The following SEPSECS variants were observed in gnomAD, a reference collection of about 807,000 sequenced individuals.
SEPSECS encodes O-phosphoseryl-tRNA(Sec) selenium transferase.
In SEPSECS, 42 loss-of-function variants were observed where a neutral mutation model predicts 52.1. That is an observed-to-expected ratio of 0.81 (90% CI 0.63 to 1.04). The LOEUF is 1.04. Ranked by LOEUF, SEPSECS falls within the 50% of genes least tolerant of loss-of-function variation. The pLI is 0.00. For synonymous variants in SEPSECS, 216 were observed against 211.4 expected (o/e 1.02, Z -0.19); for missense variants, 590 against 610.6 (o/e 0.97, Z 0.36).
In SEPSECS at chr4:25,159,110, TA is replaced by T. The variant is rs34423002; in HGVS notation, c.115-4del. 0.046 allele frequency: 66,409 copies of T among 1,435,624 alleles called. 188 individuals are homozygous for T. The highest frequency in any genetic ancestry group is 0.098 in the African/African-American group (6,532 of 66,490). The allele number at this position is 1,435,624 out of a possible 1,614,324, so 88.9% of individuals were successfully genotyped here. On this transcript the variant is annotated splice_region_variant and splice_polypyrimidine_tract_variant and intron_variant, in intron 1 of 10. Transcript: ENST00000382103. ...CAGCCATTCTCTGGACACTTGCCCT[TA>T]AAAAAAAAAAAAAACTTATGATTAT...
At chr4:25,146,311 A>T (rs1711959997) in intron 6 of SEPSECS, among the ~76,000 whole-genome samples, 2 of 152,248 alleles carry the variant, frequency 1.3e-5, no homozygotes, top group African/African-American at 2.4e-5. Flanking sequence ...AGGTGGAAGC[A>T]GCCGAAGCAG....
chr4:25,125,107 C>G (rs898752002), intron 10 of SEPSECS, among the ~76,000 whole-genome samples: 11 of 152,070 alleles, frequency 7.2e-5, no homozygotes, highest in Non-Finnish European at 1.5e-4. Context: ...CCTCCGGTAG[C>G]TACAGAAAAA....
intron 8 of SEPSECS, among the ~76,000 whole-genome samples, chr4:25,129,910 T>A (rs933322815): frequency 2.5e-4 from 38 of 152,208 alleles, no homozygotes; most frequent in African/African-American, 7.5e-4. Context: ...CAGTCACATA[T>A]TTTCATTTAG....
chr4:25,152,082 A>G lies in SEPSECS; in HGVS notation c.702-20T>C. ...TCTAATCTATAAACATAAATATTCA[A>G]TAGAAAGACATACTCACACTGTGTT... On this transcript the variant is annotated intron_variant, in intron 5 of 10. Coordinates refer to ENST00000382103, the MANE Select transcript of SEPSECS (RefSeq NM_016955.4). 1 of 1,279,138 alleles carries G rather than the reference A, an allele frequency of 7.8e-7. No homozygotes were observed. The highest frequency in any genetic ancestry group is 1.1e-6 in the Non-Finnish European group (1 of 874,658). The allele number at this position is 1,279,138 out of a possible 1,614,324, so 79.2% of individuals were successfully genotyped here. A position where few individuals can be genotyped will look rare whatever the true frequency, so the allele number is the denominator to read the frequency against.
intron 6 of SEPSECS, among the ~76,000 whole-genome samples, chr4:25,150,575 C>G (rs908176260): frequency 6.6e-6 from 1 of 150,914 alleles, no homozygotes; most frequent in Non-Finnish European, 1.5e-5. Flanking sequence ...TATGTCACTA[C>G]GTAAAAAAAA....
At chr4:25,154,586 C>T (rs1410191263) in intron 5 of SEPSECS, among the ~76,000 whole-genome samples, 1 of 152,072 alleles carries the variant, frequency 6.6e-6, no homozygotes, top group African/African-American at 2.4e-5. Context: ...CTTCCAATTA[C>T]AGAAATTTGA....
At chr4:25,137,261 C>G (rs987917145) in intron 8 of SEPSECS, among the ~76,000 whole-genome samples, 1 of 152,172 alleles carries the variant, frequency 6.6e-6, no homozygotes, top group African/African-American at 2.4e-5. Context: ...AAGAAACTAT[C>G]ATCAGAGTGA....
chr4:25,159,544 G>A, intron 1 of SEPSECS: 1 of 423,872 alleles, frequency 2.4e-6, no homozygotes, highest in Admixed American at 2.6e-5. Context: ...GGCCAAGAAT[G>A]GCCGATCACT....
Position 25,155,147 on chromosome 4 carries a change from A to C in SEPSECS, c.552T>G (p.Phe184Leu), listed in dbSNP as rs781462134. The change falls in exon 5 of 11, where the codon TTT becomes TTG. Residue 184 changes from phenylalanine to leucine, a missense_variant. Physicochemically the swap from Phe to Leu is conservative, Grantham distance 22. Coordinates refer to ENST00000382103, the MANE Select transcript of SEPSECS (RefSeq NM_016955.4). Reference sequence around the variant, plus strand: ...AAACATTTTCTATCACCACAGGCTCAAAACCTAACCAAACCAACCAGAAAA... The same window carrying C: ...AAACATTTTCTATCACCACAGGCTCCAAACCTAACCAAACCAACCAGAAAA... ...SCFKSMITAG[F>L]EPVVIENVLE... 6.2e-7 allele frequency: 1 copy of C among 1,614,112 alleles called. No individual in the cohort carries two copies. The highest frequency in any genetic ancestry group is 8.5e-7 in the Non-Finnish European group (1 of 1,179,986).
chr4:25,138,352 G>T (rs1415685617), intron 8 of SEPSECS, among the ~76,000 whole-genome samples: 1 of 151,770 alleles, frequency 6.6e-6, no homozygotes, highest in Non-Finnish European at 1.5e-5. Flanking sequence ...ATAAACTTAG[G>T]CTCATGCCTG....
chr4:25,146,243 G>T (rs1560331030), intron 6 of SEPSECS, among the ~76,000 whole-genome samples: 1 of 152,120 alleles, frequency 6.6e-6, no homozygotes, highest in Non-Finnish European at 1.5e-5. Context: ...CTTGCTATCT[G>T]AGGGAGAACA....
At chr4:25,134,216 T>C (rs930975092) in intron 8 of SEPSECS, among the ~76,000 whole-genome samples, 1 of 145,880 alleles carries the variant, frequency 6.9e-6, no homozygotes, top group African/African-American at 2.6e-5. Context: ...CAGAGGTACA[T>C]GCCTATAGTC....
At chr4:25,159,644 C>A (rs1712926898) in intron 1 of SEPSECS, 2 of 350,792 alleles carry the variant, frequency 5.7e-6, no homozygotes, top group Non-Finnish European at 1.1e-5. Context: ...TGGTGGCGGG[C>A]GCCTGTAGTC....
At position 25,122,546 on chromosome 4, in the gene SEPSECS, G is replaced by A. The variant is rs1728170815; in HGVS notation, c.*1385C>T. The A allele has an allele frequency of 6.6e-6, 1 of 152,180 alleles. No homozygotes were observed. Among genetic ancestry groups the A allele is most frequent in the Non-Finnish European group, 1.5e-5 (1 of 68,004 alleles). The allele number at this position is 152,180 out of a possible 1,614,324, so 9.4% of individuals were successfully genotyped here. ...TATTAAAACTGGGTTATTTAGTGAA[G>A]GAATTCTTAGAGCCTTCAATATGCC... On this transcript the variant is annotated 3_prime_UTR_variant, in exon 11 of 11. Transcript: ENST00000382103.
At position 25,120,039 on chromosome 4, in the gene SEPSECS, T is replaced by C. The variant is rs1560316513; in HGVS notation, c.*3892A>G. 1 of 152,026 alleles carries C rather than the reference T, an allele frequency of 6.6e-6. No individual in the cohort carries two copies. Among genetic ancestry groups the C allele is most frequent in the African/African-American group, 2.4e-5 (1 of 41,442 alleles). The allele number at this position is 152,026 out of a possible 1,614,324, so 9.4% of individuals were successfully genotyped here. On this transcript the variant is annotated 3_prime_UTR_variant, in exon 11 of 11. Coordinates refer to ENST00000382103, the MANE Select transcript of SEPSECS (RefSeq NM_016955.4). Reference sequence around the variant, plus strand: ...TGACTTATCAAAAATTTATTTCATATAATAAATTATATAATTTATTTTCAT... The same window carrying C: ...TGACTTATCAAAAATTTATTTCATACAATAAATTATATAATTTATTTTCAT...
Position 25,148,399 on chromosome 4 carries a change from T to TGGAG in SEPSECS, c.805-3270_805-3267dup, listed in dbSNP as rs1712114344. Among the ~76,000 whole-genome samples, 4 of 137,592 alleles carry TGGAG rather than the reference T, an allele frequency of 2.9e-5. No individual in the cohort carries two copies. The South Asian group carries it at 9.6e-4, about 33-fold the overall frequency. 90.3% of individuals were successfully genotyped at this position (137,592 alleles called of 152,430 possible). A position where few individuals can be genotyped will look rare whatever the true frequency, so the allele number is the denominator to read the frequency against. On this transcript the variant is annotated intron_variant, in intron 6 of 10. Transcript: ENST00000382103. ...AAAGCCTAGTAGGATGCCTGACACA[T>TGGAG]GGAGAGTGTGTAGTAAATGGTATAT...
chr4:25,160,133 G>C (rs1712975102), intron 1 of SEPSECS, 123 bp downstream of exon 1: 1 of 1,488,048 alleles, frequency 6.7e-7, no homozygotes, highest in African/African-American at 1.4e-5. Flanking sequence ...GCCAAGCTGA[G>C]ACAGACTTGG....
rs761042301 is a variant in SEPSECS, at chr4:25,124,059, C to G, written c.1378G>C (p.Ala460Pro). The G allele has an allele frequency of 3.7e-6, 6 of 1,613,798 alleles. No homozygotes were observed. The highest frequency in any genetic ancestry group is 3.3e-4 in the Middle Eastern group (2 of 6,062). Residue 460 changes from alanine to proline, a missense_variant, in exon 11 of 11, where the codon GCA (alanine) becomes CCA (proline). Physicochemically the swap from Ala to Pro is conservative, Grantham distance 27. Transcript: ENST00000382103. ...FIKRLDRCLK[A>P]VRKERSKESD... ...TCTTTACTTCGTTCTTTTCTTACTG[C>G]CTTTAAACACCTGTCAAGTCTCTTT...
At chr4:25,129,863 T>A (rs1206393710) in intron 8 of SEPSECS, among the ~76,000 whole-genome samples, 1 of 152,200 alleles carries the variant, frequency 6.6e-6, no homozygotes, top group Non-Finnish European at 1.5e-5. Flanking sequence ...ATAAAGTAAT[T>A]AGGTTACTAA....
Sources: allele counts gnomAD v4.1 joint callset (sites outside exome capture counted in the v4.1 genomes callset), GRCh38; gene constraint gnomAD v4.1.1; transcripts MANE v1.5; gene names NCBI Gene and HGNC (gene_info 2026-07-23, HGNC 2026-07-21).